HDHD2: variants seen among roughly 807,000 people sequenced by gnomAD.
HDHD2 encodes the protein haloacid dehalogenase-like hydrolase domain-containing protein 2.
Under a neutral mutation model 24.8 loss-of-function variants are expected in HDHD2, and 26 were observed. The observed-to-expected ratio is 1.05, with a 90% CI of 0.77 to 1.45. The LOEUF (loss-of-function observed/expected upper bound fraction) is 1.45. HDHD2 is among the 40% of genes most tolerant of loss of function. The pLI, the probability that HDHD2 is intolerant of heterozygous loss-of-function variation, is 0.00. For missense variants in HDHD2, 299 were observed against 313.4 expected (o/e 0.95, Z 0.35); for synonymous variants, 128 against 114.9 (o/e 1.11, Z -0.73).
In HDHD2 at chr18:47,108,739, G is replaced by C; in HGVS notation, c.723C>G (p.Tyr241Ter). ...SDEEKINPPP[Y>*]LTCESFPHAV... The stretch of plus-strand genomic sequence containing the variant: ...CATGAGGGAAACTCTCACAAGTTAA[G>C]TAAGGAGGTGGATTAATTTTTTCTT... The change falls in exon 7 of 7, where the codon TAC becomes TAG. Residue 241 changes from tyrosine (Y) to a stop codon, truncating the protein, a stop_gained. Coordinates refer to ENST00000300605, the MANE Select transcript of HDHD2 (RefSeq NM_032124.5). LOFTEE classifies it high-confidence loss of function. 1 of 1,611,732 alleles carries C rather than the reference G, an allele frequency of 6.2e-7. No homozygotes were observed. The highest frequency in any genetic ancestry group is 8.5e-7 in the Non-Finnish European group (1 of 1,178,252).
chr18:47,127,948 A>AT (rs2063675992), intron 4 of HDHD2, among the ~76,000 whole-genome samples: 1 of 152,212 alleles, frequency 6.6e-6, no homozygotes, highest in South Asian at 2.1e-4. Flanking sequence ...CTAAACAGTA[A>AT]TTTAACTAAT....
chr18:47,148,437 C>T (rs1281140776), intron 1 of HDHD2, among the ~76,000 whole-genome samples: 1 of 152,210 alleles, frequency 6.6e-6, no homozygotes, highest in Non-Finnish European at 1.5e-5. Flanking sequence ...ACCCATCTCC[C>T]ATAATCGGAA....
chr18:47,125,465 A>G (rs2063649631), intron 4 of HDHD2, among the ~76,000 whole-genome samples: 1 of 152,230 alleles, frequency 6.6e-6, no homozygotes, highest in African/African-American at 2.4e-5. Context: ...TTTATTCATA[A>G]CAGCCCAAAC....
chr18:47,130,264 T>A lies in HDHD2; in HGVS notation c.375A>T (p.Gln125His). 6.2e-7 allele frequency: 1 copy of A among 1,602,136 alleles called. No homozygotes were observed. Among genetic ancestry groups the A allele is most frequent in the Non-Finnish European group, 8.5e-7 (1 of 1,170,256 alleles). ...TTTACCGGAATGCTTGATTCAGAAT[T>A]TGATAATGAAAATGTTCTGGTGCCA... is the stretch of plus-strand genomic sequence containing the variant. ...MGLAPEHFHYQILNQAFRLLL... is the reference protein window; with the variant it reads ...MGLAPEHFHYHILNQAFRLLL... Residue 125 changes from glutamine (Q) to histidine (H), a missense_variant, in exon 4 of 7, where the codon CAA (glutamine) becomes CAT (histidine). Gln to His is a conservative substitution (Grantham distance 24, BLOSUM62 0). Coordinates refer to ENST00000300605, the MANE Select transcript of HDHD2 (RefSeq NM_032124.5).
chr18:47,136,522 A>G, intron 1 of HDHD2, 73 bp from the exon 2 acceptor site: 3 of 1,211,674 alleles, frequency 2.5e-6, no homozygotes, highest in African/African-American at 1.5e-5. Flanking sequence ...TAAGTATTCA[A>G]AAATATCACT....
intron 3 of HDHD2, among the ~76,000 whole-genome samples, chr18:47,134,228 TTA>T (rs748704470): frequency 3.9e-5 from 6 of 152,192 alleles, no homozygotes; most frequent in Non-Finnish European, 7.3e-5. Context: ...AGAATGCATG[TTA>T]TACAGCAAGA....
chr18:47,136,363 GGCACAGCTGCATCTTCAAT>G lies in HDHD2; in HGVS notation c.58_76del (p.Ile20GlnfsTer15). 9 of 1,613,278 alleles carry G rather than the reference GGCACAGCTGCATCTTCAAT, an allele frequency of 5.6e-6. No homozygotes were observed. Among genetic ancestry groups the G allele is most frequent in the Non-Finnish European group, 7.6e-6 (9 of 1,179,672 alleles). On this transcript the variant is annotated frameshift_variant, in exon 2 of 7. Coordinates refer to ENST00000300605, the MANE Select transcript of HDHD2 (RefSeq NM_032124.5). LOFTEE classifies it high-confidence loss of function. ...CCTTTTAAGAGCTTCCTGTGCGCCT[GGCACAGCTGCATCTTCAAT>G]GTGAAGTGTGCCACTGAGATCTACC...
intron 1 of HDHD2, among the ~76,000 whole-genome samples, chr18:47,142,794 G>C (rs991588736): frequency 6.6e-6 from 1 of 152,134 alleles, no homozygotes; most frequent in Non-Finnish European, 1.5e-5. Context: ...TTACACCTTA[G>C]TTGGGAAAAC....
At chr18:47,135,777 T>A (rs779544322) in intron 2 of HDHD2, among the ~76,000 whole-genome samples, 2 of 152,202 alleles carry the variant, frequency 1.3e-5, no homozygotes, top group Non-Finnish European at 2.9e-5. Flanking sequence ...TTTAACATAC[T>A]TTTACTAGGT....
In HDHD2 at chr18:47,107,532, T is replaced by C. The variant is rs1246372988; in HGVS notation, c.*1150A>G. The C allele has an allele frequency of 1.3e-5, 2 of 152,598 alleles. No homozygotes were observed. Among genetic ancestry groups the C allele is most frequent in the Non-Finnish European group, 2.9e-5 (2 of 68,038 alleles). The allele number at this position is 152,598 out of a possible 1,614,324, so 9.5% of individuals were successfully genotyped here. A position where few individuals can be genotyped will look rare whatever the true frequency, so the allele number is the denominator to read the frequency against. ...AGCTTCAATAAGGTGAACACTACAATGATGTACAATTACATCCTAATAATT... is the reference window on the plus strand; with the variant it reads ...AGCTTCAATAAGGTGAACACTACAACGATGTACAATTACATCCTAATAATT... On this transcript the variant is annotated 3_prime_UTR_variant, in exon 7 of 7. Transcript: ENST00000300605.
At chr18:47,124,610 A>T (rs1017677483) in intron 4 of HDHD2, among the ~76,000 whole-genome samples, 44 of 149,928 alleles carry the variant, frequency 2.9e-4, no homozygotes, top group Non-Finnish European at 6.2e-4. Context: ...GGAGGCTGAG[A>T]CAGGAGAATT....
intron 1 of HDHD2, among the ~76,000 whole-genome samples, chr18:47,148,155 TA>T (rs1342183076): frequency 6.6e-6 from 1 of 152,028 alleles, no homozygotes; most frequent in East Asian, 1.9e-4. Context: ...CACGCCCACC[TA>T]ATTTTTGTAC....
At chr18:47,130,113 G>C in intron 4 of HDHD2, 131 bp downstream of exon 4, 2 of 545,118 alleles carry the variant, frequency 3.7e-6, no homozygotes, top group Non-Finnish European at 6.5e-6. Flanking sequence ...TGCTGATCTT[G>C]AAGATGTCTA....
chr18:47,133,209 T>C (rs1390042061), intron 3 of HDHD2, among the ~76,000 whole-genome samples: 3 of 150,800 alleles, frequency 2.0e-5, no homozygotes, highest in Non-Finnish European at 3.0e-5. Flanking sequence ...TGTGTTCTCA[T>C]TGTTCAATTC....
At chr18:47,109,165 G>A (rs1297009876) in intron 6 of HDHD2, 1 of 174,222 alleles carries the variant, frequency 5.7e-6, no homozygotes, top group Non-Finnish European at 1.2e-5. Context: ...AGAGGGCAGA[G>A]GACTCATCCG....
intron 4 of HDHD2, among the ~76,000 whole-genome samples, chr18:47,120,064 G>A (rs1443441724): frequency 2.0e-5 from 3 of 152,194 alleles, no homozygotes; most frequent in Non-Finnish European, 2.9e-5. Context: ...TTCAGGCTTT[G>A]TTATTCCATT....
At chr18:47,136,054 G>A (rs1033682566) in intron 2 of HDHD2, among the ~76,000 whole-genome samples, 1 of 152,144 alleles carries the variant, frequency 6.6e-6, no homozygotes, top group Non-Finnish European at 1.5e-5. Context: ...ATTCCACATT[G>A]TAGACTCTTG....
intron 4 of HDHD2, among the ~76,000 whole-genome samples, chr18:47,119,551 T>C (rs925788809): frequency 6.6e-6 from 1 of 152,236 alleles, no homozygotes; most frequent in African/African-American, 2.4e-5. Flanking sequence ...CTTCTAATTC[T>C]AGTTGTTTTG....
At chr18:47,112,155 A>G (rs1251969170) in intron 6 of HDHD2, among the ~76,000 whole-genome samples, 1 of 152,214 alleles carries the variant, frequency 6.6e-6, no homozygotes, top group Non-Finnish European at 1.5e-5. Flanking sequence ...TCCCAATGCA[A>G]TAATATTCAG....
Sources: gnomAD v4.1 joint callset for allele counts (sites outside exome capture counted in the v4.1 genomes callset) on GRCh38, gnomAD v4.1.1 for gene constraint, MANE v1.5 for transcripts, NCBI Gene and HGNC (gene_info 2026-07-23, HGNC 2026-07-21) for gene names.